The following DDX60L variants were observed in gnomAD, a reference collection of about 807,000 sequenced individuals.
DDX60L encodes the protein DExD/H-box 60 like, also known as probable ATP-dependent RNA helicase DDX60-like.
Under a neutral mutation model 211.6 loss-of-function variants are expected in DDX60L, and 191 were observed. The observed-to-expected ratio is 0.90, with a 90% confidence interval of 0.80 to 1.02. The LOEUF is 1.02. DDX60L is among the 50% of genes least tolerant of loss of function. The pLI, the probability that DDX60L is intolerant of heterozygous loss-of-function variation, is 0.00. For missense variants in DDX60L, 2,007 were observed against 1,984.1 expected (o/e 1.01, Z -0.22); for synonymous variants, 706 against 694.1 (o/e 1.02, Z -0.27).
rs867007582 is a variant in DDX60L at position 168,409,332 on chromosome 4, T to C, written c.2980-2626A>G. 2.5e-4 allele frequency among the ~76,000 whole-genome samples: 38 copies of C among 152,300 alleles called. 1 individual carries two copies. Among genetic ancestry groups the C allele is most frequent in the South Asian group, 1.2e-3 (6 of 4,828 alleles). ...AATAGACGAAGGCACATGGCCAAAA[T>C]GATGATCTTACCAAGAACTCCAGGC... On this transcript the variant is annotated intron_variant, in intron 22 of 37. Transcript: ENST00000682922.
intron 22 of DDX60L, among the ~76,000 whole-genome samples, chr4:168,409,202 C>A (rs1179971106): frequency 6.6e-6 from 1 of 152,158 alleles, no homozygotes; most frequent in Non-Finnish European, 1.5e-5. Flanking sequence ...GAGTAAAGAG[C>A]TGAGAAGATT....
chr4:168,363,711 G>T (rs1458637080), intron 36 of DDX60L, among the ~76,000 whole-genome samples: 1 of 151,916 alleles, frequency 6.6e-6, no homozygotes, highest in Non-Finnish European at 1.5e-5. Flanking sequence ...GCACACAAAT[G>T]AGAAAAAAGA....
Position 168,462,019 on chromosome 4 carries a change from C to CAA in DDX60L, c.284_285dup (p.Asp96LeufsTer9), listed in dbSNP as rs1276231643. The CAA allele has an allele frequency of 6.2e-7, 1 of 1,606,316 alleles. No individual in the cohort carries two copies. The highest frequency in any genetic ancestry group is 2.2e-5 in the East Asian group (1 of 44,752). ...CTCAATGAAAGAAGTTCAGGAAAATCAAAATATGCATATTCAGCATCCTGT... is the reference window on the plus strand; with the variant it reads ...CTCAATGAAAGAAGTTCAGGAAAATCAAAAAATATGCATATTCAGCATCCTGT... On this transcript the variant is annotated frameshift_variant, in exon 5 of 38. Coordinates refer to ENST00000682922, the MANE Select transcript of DDX60L (RefSeq NM_001012967.3). LOFTEE classifies it high-confidence loss of function.
At chr4:168,419,507 GATA>G in intron 18 of DDX60L, 110 bp from the exon 19 acceptor site, 1 of 615,746 alleles carries the variant, frequency 1.6e-6, no homozygotes, top group Non-Finnish European at 2.6e-6. Context: ...GTTTCATTAA[GATA>G]ATATTGCATC....
intron 17 of DDX60L, 26 bp from the exon 18 acceptor site, chr4:168,420,406 A>T (rs958343764): frequency 1.3e-6 from 2 of 1,595,672 alleles, no homozygotes; most frequent in Non-Finnish European, 1.7e-6. Context: ...AAAAACCATT[A>T]GTCACTTAGT....
chr4:168,422,713 A>G, intron 15 of DDX60L, 43 bp from the exon 16 acceptor site: 1 of 1,401,306 alleles, frequency 7.1e-7, no homozygotes, highest in Non-Finnish European at 9.8e-7. Flanking sequence ...TAAACTTCAA[A>G]ATTGAATAAA....
intron 9 of DDX60L, among the ~76,000 whole-genome samples, chr4:168,443,623 G>A (rs896604132): frequency 1.3e-5 from 2 of 151,946 alleles, no homozygotes; most frequent in Non-Finnish European, 2.9e-5. Flanking sequence ...AGGGCAGCCA[G>A]AGAGAAAGGT....
chr4:168,439,585 A>C (rs770178933), intron 10 of DDX60L, among the ~76,000 whole-genome samples: 17 of 152,216 alleles, frequency 1.1e-4, no homozygotes, highest in Non-Finnish European at 2.2e-4. Context: ...TAACTGATAC[A>C]CTTCCCAAAT....
intron 4 of DDX60L, among the ~76,000 whole-genome samples, chr4:168,467,013 C>T (rs1187492718): frequency 6.6e-6 from 1 of 152,084 alleles, no homozygotes; most frequent in Non-Finnish European, 1.5e-5. Flanking sequence ...TTCTTCTTTT[C>T]CTTAAGACAG....
intron 15 of DDX60L, 23 bp from the exon 16 acceptor site, chr4:168,422,693 G>A (rs1208977384): frequency 1.3e-6 from 2 of 1,496,382 alleles, no homozygotes; most frequent in Admixed American, 4.1e-5. Flanking sequence ...TATATTATTT[G>A]AAATCAACTT....
At chr4:168,379,233 G>A (rs1742494044) in intron 32 of DDX60L, 130 bp downstream of exon 32, 4 of 820,944 alleles carry the variant, frequency 4.9e-6, no homozygotes, top group Non-Finnish European at 7.1e-6. Context: ...CTGTAAATCT[G>A]AACATATACT....
chr4:168,375,330 T>C (rs767720847), intron 34 of DDX60L, 47 bp downstream of exon 34: 16 of 1,577,650 alleles, frequency 1.0e-5, no homozygotes, highest in Admixed American at 1.8e-5. Context: ...TTAACCAAGA[T>C]TGTTTACTCT....
chr4:168,375,298 C>T (rs1021855063), intron 34 of DDX60L, 79 bp downstream of exon 34: 2 of 1,450,298 alleles, frequency 1.4e-6, no homozygotes, highest in African/African-American at 1.4e-5. Context: ...AGCTTTGAAG[C>T]ATCCAATATC....
chr4:168,420,074 T>C (rs1195309314), intron 18 of DDX60L, among the ~76,000 whole-genome samples, 187 bp downstream of exon 18: 1 of 152,212 alleles, frequency 6.6e-6, no homozygotes, highest in Admixed American at 6.5e-5. Context: ...TCCTTAGAGA[T>C]GGTGAGCCTA....
chr4:168,377,889 C>T (rs1418408952), intron 33 of DDX60L: 1 of 152,114 alleles, frequency 6.6e-6, no homozygotes, highest in Admixed American at 6.6e-5. Context: ...TACAAAAAAA[C>T]TTAGAAAATA....
intron 4 of DDX60L, chr4:168,469,926 T>C (rs915371785): frequency 6.6e-6 from 1 of 152,168 alleles, no homozygotes; most frequent in Non-Finnish European, 1.5e-5. Flanking sequence ...TGCAATAATA[T>C]ACATGACAAG....
At position 168,421,894 on chromosome 4, in the gene DDX60L, C is replaced by T; in HGVS notation, c.2260G>A (p.Val754Met). ...ACTGCTGACTCATTCTTATCTACCACATCCAGGAGTTCCTGCTGCAGGGTA... is the reference window on the plus strand; with the variant it reads ...ACTGCTGACTCATTCTTATCTACCATATCCAGGAGTTCCTGCTGCAGGGTA... ...PNAWQQELLD[V>M]VDKNESAVIV... Residue 754 changes from valine (V) to methionine (M), a missense_variant, in exon 17 of 38, where the codon GTG becomes ATG. Physicochemically the swap from Val to Met is conservative, Grantham distance 21 (BLOSUM62 1). Transcript: ENST00000682922. 1.2e-6 allele frequency: 2 copies of T among 1,614,190 alleles called. No individual in the cohort carries two copies. Among genetic ancestry groups the T allele is most frequent in the Non-Finnish European group, 1.7e-6 (2 of 1,180,030 alleles).
chr4:168,436,388 T>C (rs758288791), intron 10 of DDX60L, among the ~76,000 whole-genome samples: 2 of 152,218 alleles, frequency 1.3e-5, no homozygotes, highest in East Asian at 1.9e-4. Flanking sequence ...TCACACAATA[T>C]GGTTTCTGAT....
chr4:168,411,509 T>C lies in DDX60L; in HGVS notation c.2979+3899A>G, dbSNP rs546265016. The stretch of plus-strand genomic sequence containing the variant: ...CCAGGCAGAACTCAGCTGGCACCAG[T>C]GGAGGGAGCATTTAGACTAGCCTGA... On this transcript the variant is annotated intron_variant, in intron 22 of 37. Coordinates refer to ENST00000682922, the MANE Select transcript of DDX60L (RefSeq NM_001012967.3). Among the ~76,000 whole-genome samples, 4 of 152,216 alleles carry C rather than the reference T, an allele frequency of 2.6e-5. No individual in the cohort carries two copies. The South Asian group carries it at 6.2e-4, about 24-fold the overall frequency.
Sources: gnomAD v4.1 joint callset for allele counts (sites outside exome capture counted in the v4.1 genomes callset) on GRCh38, gnomAD v4.1.1 for gene constraint, MANE v1.5 for transcripts, NCBI Gene and HGNC (gene_info 2026-07-23, HGNC 2026-07-21) for gene names.